The following NPAS3 variants were observed in gnomAD, a reference collection of about 807,000 sequenced individuals.
NPAS3 encodes neuronal PAS domain-containing protein 3.
In NPAS3, 14 loss-of-function variants were observed where a neutral mutation model predicts 73.1. That is an observed-to-expected ratio of 0.19 (90% confidence interval 0.13 to 0.30). The LOEUF (loss-of-function observed/expected upper bound fraction) is 0.30, where lower values mean the gene tolerates loss of function less well. Ranked by LOEUF, NPAS3 falls within the 10% of genes least tolerant of loss-of-function variation. The pLI is 1.00. For missense variants in NPAS3, 1,096 were observed against 1,250.0 expected (o/e 0.88, Z 1.86); for synonymous variants, 620 against 541.5 (o/e 1.14, Z -2.01).
chr14:33,378,222 AG>A (rs1162996121), intron 4 of NPAS3, among the ~76,000 whole-genome samples: 1 of 152,224 alleles, frequency 6.6e-6, no homozygotes, highest in Non-Finnish European at 1.5e-5. Context: ...ACACAGTATT[AG>A]CTGAGATACA....
chr14:32,943,472 T>C (rs904481235), intron 1 of NPAS3, among the ~76,000 whole-genome samples: 1 of 152,146 alleles, frequency 6.6e-6, no homozygotes, highest in African/African-American at 2.4e-5. Flanking sequence ...ATGAACCACC[T>C]TACTCCTCTT....
chr14:33,738,157 C>G (rs1383389498), intron 7 of NPAS3, among the ~76,000 whole-genome samples: 1 of 152,140 alleles, frequency 6.6e-6, no homozygotes, highest in Non-Finnish European at 1.5e-5. Context: ...CAGGCATGGT[C>G]CAAATGTTAT....
At chr14:33,726,562 GA>G (rs1467716277) in intron 6 of NPAS3, among the ~76,000 whole-genome samples, 1 of 152,084 alleles carries the variant, frequency 6.6e-6, no homozygotes, top group African/African-American at 2.4e-5. Context: ...AGGCCCTTGT[GA>G]CCACCCAACC....
At chr14:33,619,146 A>T (rs946243744) in intron 5 of NPAS3, among the ~76,000 whole-genome samples, 1 of 152,172 alleles carries the variant, frequency 6.6e-6, no homozygotes, top group African/African-American at 2.4e-5. Context: ...GAAGTTCTTT[A>T]GCTTCTTTGA....
intron 2 of NPAS3, among the ~76,000 whole-genome samples, chr14:33,212,788 T>C (rs2047085781): frequency 6.6e-6 from 1 of 152,202 alleles, no homozygotes; most frequent in Admixed American, 6.5e-5. Flanking sequence ...AATATTACGG[T>C]ATATTACATA....
At chr14:33,645,457 CATA>C (rs910024360) in intron 5 of NPAS3, among the ~76,000 whole-genome samples, 1 of 152,080 alleles carries the variant, frequency 6.6e-6, no homozygotes, top group Admixed American at 6.6e-5. Context: ...CATTTTAGAG[CATA>C]ATAAGAATGA....
At chr14:33,056,975 CT>C (rs1278869296) in intron 2 of NPAS3, among the ~76,000 whole-genome samples, 3 of 152,004 alleles carry the variant, frequency 2.0e-5, no homozygotes, top group African/African-American at 7.2e-5. Flanking sequence ...CATTTTTTTC[CT>C]TAAAAAATCC....
At chr14:33,571,244 A>T (rs1383844340) in intron 5 of NPAS3, among the ~76,000 whole-genome samples, 1 of 152,166 alleles carries the variant, frequency 6.6e-6, no homozygotes, top group Admixed American at 6.5e-5. Context: ...ACCTTGGAGC[A>T]GCTTGAATCT....
intron 2 of NPAS3, among the ~76,000 whole-genome samples, chr14:33,074,038 C>T (rs1442416988): frequency 1.3e-5 from 2 of 152,094 alleles, no homozygotes; most frequent in Non-Finnish European, 2.9e-5. Flanking sequence ...TGTTCTAGTC[C>T]CAGTATGCTG....
intron 4 of NPAS3, among the ~76,000 whole-genome samples, chr14:33,553,849 A>G (rs535615380): frequency 1.3e-5 from 2 of 152,326 alleles, no homozygotes; most frequent in East Asian, 3.9e-4. Context: ...AAACAGACAC[A>G]TGTGGGCACT....
At chr14:33,690,175 G>A (rs761264517) in intron 6 of NPAS3, among the ~76,000 whole-genome samples, 16 of 152,122 alleles carry the variant, frequency 1.1e-4, no homozygotes, top group East Asian at 1.9e-4. Context: ...TTCGTGCGGC[G>A]TTCCGGTCTG....
At chr14:33,725,109 C>T (rs1001441819) in intron 6 of NPAS3, among the ~76,000 whole-genome samples, 1 of 152,116 alleles carries the variant, frequency 6.6e-6, no homozygotes, top group Non-Finnish European at 1.5e-5. Flanking sequence ...AGAACCCCAA[C>T]ATCCATTTAT....
intron 2 of NPAS3, among the ~76,000 whole-genome samples, chr14:33,087,769 T>A (rs1366753335): frequency 6.6e-6 from 1 of 152,186 alleles, no homozygotes; most frequent in Non-Finnish European, 1.5e-5. Flanking sequence ...GTATTGTGTT[T>A]AAAGTGTGTC....
intron 4 of NPAS3, among the ~76,000 whole-genome samples, chr14:33,436,405 C>T (rs1163381100): frequency 2.0e-5 from 3 of 152,118 alleles, no homozygotes; most frequent in Admixed American, 6.5e-5. Context: ...AACCTTTTGA[C>T]GTTAATATTT....
intron 2 of NPAS3, among the ~76,000 whole-genome samples, chr14:33,147,732 T>C (rs201079007): frequency 8.3e-6 from 1 of 120,498 alleles, no homozygotes; most frequent in Non-Finnish European, 1.7e-5. Flanking sequence ...GAATAAAAAA[T>C]ATATATATAT....
At chr14:33,269,817 G>A (rs1023219730) in intron 3 of NPAS3, among the ~76,000 whole-genome samples, 11 of 152,058 alleles carry the variant, frequency 7.2e-5, no homozygotes, top group African/African-American at 2.7e-4. Context: ...GCAGGGAGGG[G>A]GGTATGGGGA....
At chr14:32,968,315 G>A (rs1241469348) in intron 1 of NPAS3, among the ~76,000 whole-genome samples, 1 of 152,054 alleles carries the variant, frequency 6.6e-6, no homozygotes, top group Non-Finnish European at 1.5e-5. Flanking sequence ...ACTAATGTGT[G>A]TATATATTGG....
chr14:33,244,950 T>C (rs2048328631), intron 3 of NPAS3, among the ~76,000 whole-genome samples: 1 of 152,186 alleles, frequency 6.6e-6, no homozygotes, highest in Admixed American at 6.5e-5. Flanking sequence ...TCTGATAATA[T>C]TTTATCTTGA....
chr14:33,527,302 AC>A (rs1164522346), intron 4 of NPAS3, among the ~76,000 whole-genome samples: 3 of 152,146 alleles, frequency 2.0e-5, no homozygotes, highest in African/African-American at 7.2e-5. Context: ...GTAACCACTT[AC>A]CTTGTGATGT....
Sources: allele counts gnomAD v4.1 joint callset (sites outside exome capture counted in the v4.1 genomes callset), GRCh38; gene constraint gnomAD v4.1.1; transcripts MANE v1.5; gene names NCBI Gene and HGNC (gene_info 2026-07-23, HGNC 2026-07-21).